The following ST8SIA4 variants were observed in gnomAD, a reference collection of about 807,000 sequenced individuals.
The protein encoded by ST8SIA4 is CMP-N-acetylneuraminate-poly-alpha-2,8-sialyltransferase.
ST8SIA4 carries 15 observed loss-of-function variants against 33.9 expected under a neutral mutation model. The ratio of observed to expected loss-of-function variants is 0.44; its 90% confidence interval spans 0.30 to 0.68. ST8SIA4 has a LOEUF of 0.68. ST8SIA4 is among the 30% of genes least tolerant of loss of function. The pLI is 0.10. For missense variants in ST8SIA4, 321 were observed against 428.0 expected, an observed-to-expected ratio of 0.75 and a Z score of 2.21; for synonymous variants, 171 against 151.2, an observed-to-expected ratio of 1.13 and a Z score of -0.96.
intron 4 of ST8SIA4, among the ~76,000 whole-genome samples, chr5:100,827,663 G>C (rs1274616485): frequency 1.3e-5 from 2 of 152,198 alleles, no homozygotes; most frequent in Admixed American, 1.3e-4. Flanking sequence ...ATTCTGAATG[G>C]CAGCTGGGAT....
chr5:100,874,326 A>T (rs1752260245), intron 3 of ST8SIA4, among the ~76,000 whole-genome samples: 1 of 152,206 alleles, frequency 6.6e-6, no homozygotes, highest in Non-Finnish European at 1.5e-5. Flanking sequence ...CCAGGTAGAC[A>T]GAAAGAGTAC....
chr5:100,814,727 T>C (rs1275567368), intron 4 of ST8SIA4, among the ~76,000 whole-genome samples: 3 of 151,984 alleles, frequency 2.0e-5, no homozygotes, highest in African/African-American at 7.2e-5. Context: ...TGAAATTGTA[T>C]AGGCCAATCT....
chr5:100,869,944 C>A (rs1293577578), intron 3 of ST8SIA4, among the ~76,000 whole-genome samples: 1 of 152,138 alleles, frequency 6.6e-6, no homozygotes, highest in Non-Finnish European at 1.5e-5. Context: ...GTGTGCTGCA[C>A]CCATTAACTC....
chr5:100,820,916 A>C (rs918915499), intron 4 of ST8SIA4, among the ~76,000 whole-genome samples: 1 of 152,122 alleles, frequency 6.6e-6, no homozygotes, highest in Non-Finnish European at 1.5e-5. Flanking sequence ...ACAGATGTCA[A>C]ACCACAGATG....
intron 4 of ST8SIA4, among the ~76,000 whole-genome samples, chr5:100,837,603 CT>C (rs1043398307): frequency 1.3e-5 from 2 of 151,810 alleles, no homozygotes; most frequent in African/African-American, 4.8e-5. Flanking sequence ...TGAATTTTTT[CT>C]TTTTTTGGAA....
chr5:100,837,014 A>G (rs543110090), intron 4 of ST8SIA4, among the ~76,000 whole-genome samples: 8 of 151,756 alleles, frequency 5.3e-5, no homozygotes, highest in Non-Finnish European at 1.0e-4. Context: ...ACACACACAC[A>G]CACACACACA....
intron 4 of ST8SIA4, among the ~76,000 whole-genome samples, chr5:100,853,300 T>C (rs74499245): frequency 9.8e-5 from 15 of 152,318 alleles, no homozygotes; most frequent in Admixed American, 9.8e-4. Context: ...ATAAAATCCA[T>C]AAATGAAGTT....
chr5:100,864,074 G>T (rs1752007347), intron 3 of ST8SIA4, among the ~76,000 whole-genome samples: 1 of 151,822 alleles, frequency 6.6e-6, no homozygotes, highest in African/African-American at 2.4e-5. Flanking sequence ...TTCAAGAAAG[G>T]ATAAAAAATA....
intron 4 of ST8SIA4, among the ~76,000 whole-genome samples, chr5:100,828,909 TGC>T: frequency 6.6e-6 from 1 of 152,328 alleles, no homozygotes; most frequent in East Asian, 1.9e-4. Flanking sequence ...GCTTAATTAT[TGC>T]AGCCAGGAAA....
rs369937876 is a variant in ST8SIA4, at chr5:100,902,993, C to T, written c.-38G>A. Reference sequence around the variant, plus strand: ...AGAAAGTCCTGGTTGCCCCAGCTCCCGCACCTTCTCTTGATATAAAGGCTC... The same window carrying T: ...AGAAAGTCCTGGTTGCCCCAGCTCCTGCACCTTCTCTTGATATAAAGGCTC... On this transcript the variant is annotated 5_prime_UTR_variant, in exon 1 of 5. Coordinates refer to ENST00000231461, the MANE Select transcript of ST8SIA4 (RefSeq NM_005668.6). 4.8e-6 allele frequency: 7 copies of T among 1,464,804 alleles called. No individual in the cohort carries two copies. The highest frequency in any genetic ancestry group is 6.7e-6 in the Non-Finnish European group (7 of 1,044,504). The allele number at this position is 1,464,804 out of a possible 1,614,324, so 90.7% of individuals were successfully genotyped here.
At chr5:100,854,572 G>C (rs1182637580) in intron 4 of ST8SIA4, among the ~76,000 whole-genome samples, 1 of 151,980 alleles carries the variant, frequency 6.6e-6, no homozygotes, top group African/African-American at 2.4e-5. Flanking sequence ...AACAGAGTGA[G>C]ACTCTGTCTC....
rs1750750644 is a variant in ST8SIA4, at chr5:100,809,020, G to A, written c.*2827C>T. 1 of 152,530 alleles carries A rather than the reference G, an allele frequency of 6.6e-6. No homozygotes were observed. The highest frequency in any genetic ancestry group is 1.5e-5 in the Non-Finnish European group (1 of 68,018). 9.4% of individuals were successfully genotyped at this position (152,530 alleles called of 1,614,324 possible). A position where few individuals can be genotyped will look rare whatever the true frequency, so the allele number is the denominator to read the frequency against. On this transcript the variant is annotated 3_prime_UTR_variant, in exon 5 of 5. Transcript: ENST00000231461. ...GTATTTAGAGAACACAAAGGATATG[G>A]TGACAAAGTAATGTGAAAAAGCTAA...
chr5:100,814,728 A>G (rs1246389795), intron 4 of ST8SIA4, among the ~76,000 whole-genome samples: 1 of 151,960 alleles, frequency 6.6e-6, no homozygotes, highest in Non-Finnish European at 1.5e-5. Context: ...GAAATTGTAT[A>G]GGCCAATCTA....
chr5:100,817,167 C>T (rs1681204592), intron 4 of ST8SIA4, among the ~76,000 whole-genome samples: 1 of 115,818 alleles, frequency 8.6e-6, no homozygotes, highest in South Asian at 2.9e-4. Flanking sequence ...CTGGGTTTCA[C>T]CATGTTGGCC....
At chr5:100,866,539 TGTAAA>T (rs1752063811) in intron 3 of ST8SIA4, among the ~76,000 whole-genome samples, 1 of 151,730 alleles carries the variant, frequency 6.6e-6, no homozygotes, top group African/African-American at 2.4e-5. Context: ...TTTTAACACT[TGTAAA>T]GGACTTCAAG....
intron 2 of ST8SIA4, among the ~76,000 whole-genome samples, chr5:100,888,350 G>C (rs747328994): frequency 6.6e-6 from 1 of 151,826 alleles, no homozygotes; most frequent in Non-Finnish European, 1.5e-5. Context: ...CAAAGCAGGG[G>C]GTTGTGTTTG....
At chr5:100,826,428 C>A (rs1015189105) in intron 4 of ST8SIA4, among the ~76,000 whole-genome samples, 4 of 152,210 alleles carry the variant, frequency 2.6e-5, no homozygotes, top group Admixed American at 2.6e-4. Context: ...TATTCATAAT[C>A]TGCCAGTGAT....
At position 100,895,696 on chromosome 5, in the gene ST8SIA4, A is replaced by C. The variant is rs778310118; in HGVS notation, c.203T>G (p.Val68Gly). ...KAGSSIFQHN[V>G]EGWKINSSLV... ...AGAGGAATTGATTTTCCAACCTTCT[A>C]CATTGTGCTGGAAGATTGAAGAGCC... The change falls in exon 2 of 5, where the codon GTA becomes GGA. Residue 68 changes from valine to glycine, a missense_variant. By Grantham distance (109) the Val-to-Gly change is moderately radical. Transcript: ENST00000231461. 6.2e-7 allele frequency: 1 copy of C among 1,612,792 alleles called. No individual in the cohort carries two copies. The highest frequency in any genetic ancestry group is 1.1e-5 in the South Asian group (1 of 91,016).
At chr5:100,850,849 AAG>A (rs1405870047) in intron 4 of ST8SIA4, among the ~76,000 whole-genome samples, 1 of 151,908 alleles carries the variant, frequency 6.6e-6, no homozygotes, top group Non-Finnish European at 1.5e-5. Context: ...ATAGATGAAT[AAG>A]AGTAAATATT....
Sources: gnomAD v4.1 joint callset for allele counts (sites outside exome capture counted in the v4.1 genomes callset) on GRCh38, gnomAD v4.1.1 for gene constraint, MANE v1.5 for transcripts, NCBI Gene and HGNC (gene_info 2026-07-23, HGNC 2026-07-21) for gene names.